MAD1L1: variants seen among roughly 807,000 people sequenced by gnomAD.
MAD1L1 encodes mitotic spindle assembly checkpoint protein MAD1.
In MAD1L1, 95 loss-of-function variants were observed where a neutral mutation model predicts 96.9. That is an observed-to-expected ratio of 0.98 (90% CI 0.83 to 1.16). The LOEUF (loss-of-function observed/expected upper bound fraction) is 1.16. Ranked by LOEUF, MAD1L1 falls within the 50% of genes most tolerant of loss-of-function variation. The pLI, the probability that MAD1L1 is intolerant of heterozygous loss-of-function variation, is 0.00. For synonymous variants in MAD1L1, 473 were observed against 396.6 expected (o/e 1.19, Z -2.29); for missense variants, 1,007 against 954.4 (o/e 1.06, Z -0.73).
chr7:1,913,351 A>C (rs1788140584), intron 17 of MAD1L1, among the ~76,000 whole-genome samples: 1 of 148,580 alleles, frequency 6.7e-6, no homozygotes, highest in Admixed American at 6.6e-5. Flanking sequence ...CACCCGGAGG[A>C]AGCGGCCTGG....
At chr7:1,915,336 C>T (rs761104998) in intron 17 of MAD1L1, among the ~76,000 whole-genome samples, 2 of 152,128 alleles carry the variant, frequency 1.3e-5, no homozygotes, top group East Asian at 1.9e-4. Flanking sequence ...GGGAGGGCTG[C>T]GGTCCGAAAA....
intron 10 of MAD1L1, among the ~76,000 whole-genome samples, chr7:2,177,691 T>C (rs567909378): frequency 6.6e-6 from 1 of 152,360 alleles, no homozygotes; most frequent in South Asian, 2.1e-4. Flanking sequence ...CATCAGGCAT[T>C]TCACACTTAA....
intron 18 of MAD1L1, among the ~76,000 whole-genome samples, chr7:1,850,479 TG>T (rs2128640157): frequency 6.6e-6 from 1 of 152,242 alleles, no homozygotes; most frequent in South Asian, 2.1e-4. Context: ...TGGGTCCAGG[TG>T]GGGGTACCCC....
intron 11 of MAD1L1, among the ~76,000 whole-genome samples, chr7:2,098,781 C>T (rs777892583): frequency 2.0e-4 from 31 of 152,210 alleles, no homozygotes; most frequent in Non-Finnish European, 4.0e-4. Context: ...ACAGGGCTCA[C>T]ACCACACGCC....
chr7:1,899,600 T>A (rs1787114194), intron 17 of MAD1L1, among the ~76,000 whole-genome samples: 1 of 152,160 alleles, frequency 6.6e-6, no homozygotes, highest in Non-Finnish European at 1.5e-5. Flanking sequence ...GGGTTCCAAC[T>A]CCAGGCAGCG....
Position 1,902,504 on chromosome 7 carries a change from G to C in MAD1L1, c.1808-4114C>G, listed in dbSNP as rs145669896. ...TTCTCTACATCCTCTTTACTCCTTC[G>C]AGTGTTACGGGGCACACGCAGATGA... On this transcript the variant is annotated intron_variant, in intron 17 of 18. Coordinates refer to ENST00000265854, the MANE Select transcript of MAD1L1 (RefSeq NM_001013836.2). Among the ~76,000 whole-genome samples, 21 of 152,328 alleles carry C rather than the reference G, an allele frequency of 1.4e-4. No individual in the cohort carries two copies. The East Asian group carries it at 4.1e-3, about 29-fold the overall frequency.
At chr7:1,951,322 AGAGGCCGTGTGAGGGCAGGGTTG>A (rs1171225168) in intron 16 of MAD1L1, among the ~76,000 whole-genome samples, 1 of 152,248 alleles carries the variant, frequency 6.6e-6, no homozygotes, top group Non-Finnish European at 1.5e-5. Flanking sequence ...ACCGAAGGAC[AGAGGCCGTGTGAGGGCAGGGTTG>A]GAGTAGTCAC....
chr7:1,901,287 G>A lies in MAD1L1; in HGVS notation c.1808-2897C>T, dbSNP rs1291607861. Among the ~76,000 whole-genome samples the A allele has an allele frequency of 3.3e-5, 5 of 152,326 alleles. No homozygotes were observed. In the South Asian group the frequency reaches 1.0e-3, roughly 32 times the overall value. On this transcript the variant is annotated intron_variant, in intron 17 of 18. Transcript: ENST00000265854. ...TAAATAAATAAAAGATGGGTTTTCC[G>A]CCTTGGAAATGTCATTGCTTTCTTG...
At chr7:2,117,083 G>A (rs915178916) in intron 11 of MAD1L1, among the ~76,000 whole-genome samples, 4 of 152,320 alleles carry the variant, frequency 2.6e-5, no homozygotes, top group African/African-American at 9.6e-5. Context: ...AGATAGGCCT[G>A]GCAGAGGCAG....
chr7:2,031,765 GC>G lies in MAD1L1; in HGVS notation c.1219-17124del, dbSNP rs1395264792. The stretch of plus-strand genomic sequence containing the variant: ...CATGCCTGACCCACGCGGATATGGG[GC>G]CATGGGCCTGAGACAGGCCCTGTGC... On this transcript the variant is annotated intron_variant, in intron 12 of 18. Coordinates refer to ENST00000265854, the MANE Select transcript of MAD1L1 (RefSeq NM_001013836.2). 3.3e-5 allele frequency among the ~76,000 whole-genome samples: 5 copies of G among 152,248 alleles called. 1 individual carries two copies. The highest frequency in any genetic ancestry group is 7.3e-5 in the Non-Finnish European group (5 of 68,048).
At chr7:1,972,323 T>C (rs376761097) in intron 15 of MAD1L1, among the ~76,000 whole-genome samples, 21 of 152,238 alleles carry the variant, frequency 1.4e-4, no homozygotes, top group Admixed American at 1.2e-3. Context: ...AGGGAAACCA[T>C]TTGGGCCTAG....
At chr7:1,935,542 G>A (rs1409832083) in intron 17 of MAD1L1, among the ~76,000 whole-genome samples, 1 of 152,198 alleles carries the variant, frequency 6.6e-6, no homozygotes, top group African/African-American at 2.4e-5. Flanking sequence ...GCACAAGAGG[G>A]AGGGAAGACC....
chr7:2,121,609 C>T (rs996113567), intron 11 of MAD1L1, among the ~76,000 whole-genome samples: 4 of 152,212 alleles, frequency 2.6e-5, no homozygotes, highest in South Asian at 2.1e-4. Flanking sequence ...TGCTGCAGAT[C>T]ACGGCATCCT....
At chr7:2,032,395 G>A (rs762932397) in intron 12 of MAD1L1, among the ~76,000 whole-genome samples, 4 of 152,198 alleles carry the variant, frequency 2.6e-5, no homozygotes, top group Non-Finnish European at 2.9e-5. Context: ...GTGGGAAAGC[G>A]CTTGCCCAGC....
At chr7:2,150,307 C>G (rs555596643) in intron 10 of MAD1L1, among the ~76,000 whole-genome samples, 1 of 152,274 alleles carries the variant, frequency 6.6e-6, no homozygotes, top group East Asian at 1.9e-4. Context: ...CGGAGAGGCA[C>G]ACTGCAACCA....
chr7:1,948,532 T>C (rs1344852084), intron 16 of MAD1L1, among the ~76,000 whole-genome samples: 1 of 152,156 alleles, frequency 6.6e-6, no homozygotes, highest in Non-Finnish European at 1.5e-5. Flanking sequence ...GGAGCTGGCC[T>C]TCCCGGCCTG....
intron 18 of MAD1L1, 168 bp downstream of exon 18, chr7:1,898,032 G>T: frequency 1.4e-6 from 1 of 714,024 alleles, no homozygotes; most frequent in Non-Finnish European, 2.4e-6. Flanking sequence ...AGGCTGAGAA[G>T]CCTCAGGGGG....
At chr7:1,860,873 C>T (rs1784511191) in intron 18 of MAD1L1, among the ~76,000 whole-genome samples, 2 of 152,206 alleles carry the variant, frequency 1.3e-5, no homozygotes, top group Admixed American at 6.5e-5. Flanking sequence ...ACCCCTGTGC[C>T]TTCTGGGCTC....
At chr7:1,830,305 G>A (rs889108910) in intron 18 of MAD1L1, among the ~76,000 whole-genome samples, 1 of 152,240 alleles carries the variant, frequency 6.6e-6, no homozygotes. Context: ...GCTGAGGCAG[G>A]AGAATCGCTT....
Sources: gnomAD v4.1 joint callset for allele counts (sites outside exome capture counted in the v4.1 genomes callset) on GRCh38, gnomAD v4.1.1 for gene constraint, MANE v1.5 for transcripts, NCBI Gene and HGNC (gene_info 2026-07-23, HGNC 2026-07-21) for gene names.